The following LY86 variants were observed in gnomAD, a reference collection of about 807,000 sequenced individuals.
The protein encoded by LY86 is MD-1, RP105-associated.
In LY86, 20 loss-of-function variants were observed where a neutral mutation model predicts 17.3. The ratio of observed to expected loss-of-function variants is 1.15; its 90% CI spans 0.81 to 1.68. The LOEUF (loss-of-function observed/expected upper bound fraction) is 1.68, where lower values mean the gene tolerates loss of function less well. Ranked by LOEUF, LY86 falls within the 40% of genes most tolerant of loss-of-function variation. LY86 has a pLI of 0.00. For missense variants in LY86, 200 were observed against 191.9 expected (o/e 1.04, Z -0.25); for synonymous variants, 74 against 70.6 (o/e 1.05, Z -0.24).
At chr6:6,623,379 G>C (rs1426623810) in intron 1 of LY86, among the ~76,000 whole-genome samples, 2 of 152,160 alleles carry the variant, frequency 1.3e-5, no homozygotes, top group African/African-American at 4.8e-5. Flanking sequence ...CTGGGAAGGT[G>C]CAAGAGAGCT....
chr6:6,644,197 C>G (rs749917647), intron 3 of LY86, among the ~76,000 whole-genome samples: 2 of 152,160 alleles, frequency 1.3e-5, no homozygotes, highest in Non-Finnish European at 2.9e-5. Flanking sequence ...GCTGCATCTG[C>G]GCTGGTTATT....
chr6:6,644,686 G>C (rs149447387), intron 3 of LY86, among the ~76,000 whole-genome samples: 1 of 151,962 alleles, frequency 6.6e-6, no homozygotes, highest in Non-Finnish European at 1.5e-5. Context: ...ATGACTTCAA[G>C]TGTTCAGAAC....
intron 3 of LY86, among the ~76,000 whole-genome samples, chr6:6,633,521 A>C (rs2113148732): frequency 6.6e-6 from 1 of 152,274 alleles, no homozygotes; most frequent in South Asian, 2.1e-4. Context: ...ATACCATCCC[A>C]TGATAACACC....
intron 4 of LY86, among the ~76,000 whole-genome samples, chr6:6,653,630 C>T (rs955840318): frequency 1.2e-4 from 18 of 152,258 alleles, no homozygotes; most frequent in African/African-American, 4.1e-4. Context: ...AGCAAGGATC[C>T]CCAAAGGCAG....
chr6:6,594,577 CTT>C (rs753915308), intron 1 of LY86, among the ~76,000 whole-genome samples: 25 of 152,314 alleles, frequency 1.6e-4, no homozygotes, highest in African/African-American at 2.6e-4. Flanking sequence ...GAAGGAATCT[CTT>C]AAACTCTTCG....
At chr6:6,600,393 C>A (rs1760861387) in intron 1 of LY86, among the ~76,000 whole-genome samples, 2 of 151,870 alleles carry the variant, frequency 1.3e-5, no homozygotes, top group Admixed American at 6.6e-5. Context: ...AGTTCGAGAT[C>A]AGTCGGTCCA....
chr6:6,605,375 A>G (rs982315054), intron 1 of LY86, among the ~76,000 whole-genome samples: 4 of 151,992 alleles, frequency 2.6e-5, no homozygotes, highest in Non-Finnish European at 4.4e-5. Context: ...TGGCTGGGGG[A>G]GCAGCTGCTT....
intron 3 of LY86, among the ~76,000 whole-genome samples, chr6:6,646,415 A>G (rs1400784024): frequency 6.6e-6 from 1 of 152,168 alleles, no homozygotes; most frequent in African/African-American, 2.4e-5. Context: ...GCTGACTTCA[A>G]TACTGATGTG....
At chr6:6,614,244 A>C (rs1290401918) in intron 1 of LY86, among the ~76,000 whole-genome samples, 1 of 152,194 alleles carries the variant, frequency 6.6e-6, no homozygotes, top group Admixed American at 6.5e-5. Context: ...AATTGCTGAG[A>C]GTGTGAACCT....
chr6:6,620,853 AAG>A (rs1232781699), intron 1 of LY86: 3 of 152,274 alleles, frequency 2.0e-5, no homozygotes, highest in African/African-American at 7.2e-5. Flanking sequence ...ACTTTTCTAG[AAG>A]AGATTTGATT....
At chr6:6,613,712 T>C (rs1761468587) in intron 1 of LY86, among the ~76,000 whole-genome samples, 2 of 152,226 alleles carry the variant, frequency 1.3e-5, no homozygotes, top group African/African-American at 2.4e-5. Flanking sequence ...AGCGGCGGGC[T>C]GAAGGGCTCC....
chr6:6,613,319 G>C (rs1761446834), intron 1 of LY86, among the ~76,000 whole-genome samples: 1 of 152,258 alleles, frequency 6.6e-6, no homozygotes, highest in African/African-American at 2.4e-5. Flanking sequence ...GAGCGCTATG[G>C]AGCAGGGTGG....
intron 1 of LY86, among the ~76,000 whole-genome samples, chr6:6,614,006 C>G: frequency 6.6e-6 from 1 of 152,354 alleles, no homozygotes; most frequent in Middle Eastern, 3.4e-3. Context: ...TTCCTTAGAA[C>G]CTTCTACTTA....
chr6:6,643,818 G>A (rs978015572), intron 3 of LY86, among the ~76,000 whole-genome samples: 5 of 152,160 alleles, frequency 3.3e-5, no homozygotes, highest in African/African-American at 1.2e-4. Flanking sequence ...TGCTAACCAC[G>A]TTATACAACT....
chr6:6,654,636 T>C lies in LY86; in HGVS notation c.*9T>C. Reference sequence around the variant, plus strand: ...CTATCATGTGCTCCTGACTGTGGCCTGTAGCAAAAATCACAGCCAGCTGCA... The same window carrying C: ...CTATCATGTGCTCCTGACTGTGGCCCGTAGCAAAAATCACAGCCAGCTGCA... On this transcript the variant is annotated 3_prime_UTR_variant, in exon 5 of 5. Coordinates refer to ENST00000230568, the MANE Select transcript of LY86 (RefSeq NM_004271.4). 6.2e-7 allele frequency: 1 copy of C among 1,613,300 alleles called. No homozygotes were observed. Among genetic ancestry groups the C allele is most frequent in the South Asian group, 1.1e-5 (1 of 91,004 alleles).
intron 1 of LY86, among the ~76,000 whole-genome samples, chr6:6,605,408 C>T (rs1761080485): frequency 1.3e-5 from 2 of 152,208 alleles, no homozygotes; most frequent in South Asian, 2.1e-4. Flanking sequence ...GAGTACATCG[C>T]AATGAACAGA....
chr6:6,614,706 C>T (rs1761506317), intron 1 of LY86, among the ~76,000 whole-genome samples: 1 of 152,014 alleles, frequency 6.6e-6, no homozygotes, highest in East Asian at 1.9e-4. Context: ...TGCCTAAGAT[C>T]GTGCTTGGCA....
chr6:6,641,623 C>T (rs907535612), intron 3 of LY86, among the ~76,000 whole-genome samples: 2 of 152,222 alleles, frequency 1.3e-5, no homozygotes, highest in African/African-American at 4.8e-5. Context: ...CCAGGGCATT[C>T]GGGTACCATT....
chr6:6,618,369 G>A (rs1398503610), intron 1 of LY86, among the ~76,000 whole-genome samples: 1 of 152,114 alleles, frequency 6.6e-6, no homozygotes, highest in Admixed American at 6.5e-5. Flanking sequence ...TTAGAGGCCA[G>A]AGGGGCCATG....
Sources: allele counts gnomAD v4.1 joint callset (sites outside exome capture counted in the v4.1 genomes callset), GRCh38; gene constraint gnomAD v4.1.1; transcripts MANE v1.5; gene names NCBI Gene and HGNC (gene_info 2026-07-23, HGNC 2026-07-21).